The following ZNRF3 variants were observed in gnomAD, a reference collection of about 807,000 sequenced individuals.
ZNRF3 encodes zinc and ring finger 3.
Under a neutral mutation model 72.5 loss-of-function variants are expected in ZNRF3, and 23 were observed. That is an observed-to-expected ratio of 0.32 (90% CI 0.23 to 0.45). The LOEUF (loss-of-function observed/expected upper bound fraction) is 0.45, where lower values mean the gene tolerates loss of function less well. ZNRF3 is among the 20% of genes least tolerant of loss of function. The pLI is 1.00. For synonymous variants in ZNRF3, 610 were observed against 545.3 expected (o/e 1.12, Z -1.65); for missense variants, 1,169 against 1,272.1 (o/e 0.92, Z 1.23).
At chr22:28,939,354 A>G (rs2034899315) in intron 1 of ZNRF3, among the ~76,000 whole-genome samples, 1 of 152,146 alleles carries the variant, frequency 6.6e-6, no homozygotes, top group African/African-American at 2.4e-5. Flanking sequence ...AAATAAATAC[A>G]TATAAGAAGT....
intron 2 of ZNRF3, among the ~76,000 whole-genome samples, chr22:29,029,734 T>A (rs2036710330): frequency 6.6e-6 from 1 of 152,154 alleles, no homozygotes; most frequent in African/African-American, 2.4e-5. Flanking sequence ...CCCAGTTGCC[T>A]CCTCCGTGAG....
intron 1 of ZNRF3, among the ~76,000 whole-genome samples, chr22:28,980,186 G>GT (rs1365028512): frequency 6.6e-6 from 1 of 152,044 alleles, no homozygotes; most frequent in African/African-American, 2.4e-5. Flanking sequence ...GGGGCATAGA[G>GT]TGTGGAAGTA....
chr22:28,957,925 C>T (rs1049800483), intron 1 of ZNRF3, among the ~76,000 whole-genome samples: 1 of 151,834 alleles, frequency 6.6e-6, no homozygotes, highest in Non-Finnish European at 1.5e-5. Flanking sequence ...GTGGTTCAAG[C>T]CTGTAATCAA....
chr22:28,925,833 C>G (rs2034590201), intron 1 of ZNRF3, among the ~76,000 whole-genome samples: 1 of 152,096 alleles, frequency 6.6e-6, no homozygotes, highest in Non-Finnish European at 1.5e-5. Context: ...AAATCAAGCA[C>G]ATGGGGGCTG....
rs552553374 is a variant in ZNRF3 at position 28,962,985 on chromosome 22, C to T, written c.301-24091C>T. ...GGTTATTTTGTGACTTCACCATATA[C>T]ATGGCCTGAATGGATGGTAAGACTG... On this transcript the variant is annotated intron_variant, in intron 1 of 8. Coordinates refer to ENST00000544604, the MANE Select transcript of ZNRF3 (RefSeq NM_001206998.2). Among the ~76,000 whole-genome samples, 150 of 152,322 alleles carry T rather than the reference C, an allele frequency of 9.8e-4. 2 individuals carry two copies. In the South Asian group the frequency reaches 0.027, roughly 28 times the overall value.
intron 2 of ZNRF3, among the ~76,000 whole-genome samples, chr22:28,989,775 C>T (rs1013184366): frequency 3.9e-5 from 6 of 152,130 alleles, no homozygotes; most frequent in Non-Finnish European, 7.4e-5. Flanking sequence ...TAACCCCCTC[C>T]CCACCACCCA....
chr22:28,892,382 A>G (rs1488274581), intron 1 of ZNRF3, among the ~76,000 whole-genome samples: 3 of 152,292 alleles, frequency 2.0e-5, no homozygotes, highest in Non-Finnish European at 4.4e-5. Context: ...CACCTGGGGG[A>G]GGGAATCGGG....
rs186478156 is a variant in ZNRF3 at position 28,938,222 on chromosome 22, A to G, written c.301-48854A>G. 3.0e-3 allele frequency among the ~76,000 whole-genome samples: 456 copies of G among 152,100 alleles called. 3 individuals carry two copies. Among genetic ancestry groups the G allele is most frequent in the African/African-American group, 0.01 (426 of 41,482 alleles). ...ACACACCCATCCATCTTATTTTAAG[A>G]CATGCTTTTTTCATTTAAATATGTC... On this transcript the variant is annotated intron_variant, in intron 1 of 8. Transcript: ENST00000544604.
At chr22:28,957,574 G>A (rs2035282324) in intron 1 of ZNRF3, among the ~76,000 whole-genome samples, 2 of 151,960 alleles carry the variant, frequency 1.3e-5, no homozygotes, top group Admixed American at 6.5e-5. Context: ...CAAGTAGCTG[G>A]GACTACAGGC....
intron 2 of ZNRF3, among the ~76,000 whole-genome samples, chr22:29,039,635 G>A (rs2036922795): frequency 6.6e-6 from 1 of 151,942 alleles, no homozygotes; most frequent in Admixed American, 6.6e-5. Flanking sequence ...CTCTGGCAGA[G>A]GAGTCTGTGT....
chr22:28,990,388 TTAAG>T (rs1025615399), intron 2 of ZNRF3, among the ~76,000 whole-genome samples: 57 of 152,192 alleles, frequency 3.7e-4, no homozygotes, highest in African/African-American at 1.1e-3. Flanking sequence ...GAGTTTGCTA[TTAAG>T]TAAGGGTCTT....
At chr22:28,961,829 G>C (rs920924109) in intron 1 of ZNRF3, among the ~76,000 whole-genome samples, 1 of 152,150 alleles carries the variant, frequency 6.6e-6, no homozygotes, top group Non-Finnish European at 1.5e-5. Flanking sequence ...ACTGGTATCT[G>C]ACCCCAAAAG....
chr22:28,888,569 T>C (rs2033831036), intron 1 of ZNRF3, among the ~76,000 whole-genome samples: 1 of 152,224 alleles, frequency 6.6e-6, no homozygotes, highest in Non-Finnish European at 1.5e-5. Context: ...TCATGGGAGT[T>C]ACTAGTACAA....
intron 1 of ZNRF3, chr22:28,986,567 C>T (rs2035857656): frequency 1.0e-6 from 1 of 974,822 alleles, no homozygotes; most frequent in Non-Finnish European, 1.2e-6. Context: ...AGCCTTTAAA[C>T]AGCCTGTTAA....
At chr22:28,887,720 C>A (rs190121539) in intron 1 of ZNRF3, among the ~76,000 whole-genome samples, 1 of 152,266 alleles carries the variant, frequency 6.6e-6, no homozygotes, top group African/African-American at 2.4e-5. Flanking sequence ...TACACTTCTC[C>A]TGTAGTTCTG....
chr22:28,935,420 T>A (rs2034802246), intron 1 of ZNRF3, among the ~76,000 whole-genome samples: 1 of 152,206 alleles, frequency 6.6e-6, no homozygotes, highest in Non-Finnish European at 1.5e-5. Context: ...TCTCTGCCCT[T>A]AGCCCTGTTG....
intron 1 of ZNRF3, among the ~76,000 whole-genome samples, chr22:28,932,821 G>A (rs957885913): frequency 6.6e-6 from 1 of 152,124 alleles, no homozygotes; most frequent in Non-Finnish European, 1.5e-5. Context: ...TCAGCTAAAA[G>A]GCTGAGAAGA....
rs1411300827 is a variant in ZNRF3, at chr22:29,051,455, T to C, written c.2767+507T>C. Among the ~76,000 whole-genome samples the C allele has an allele frequency of 2.6e-5, 4 of 152,166 alleles. No homozygotes were observed. The East Asian group carries it at 5.8e-4, about 22-fold the overall frequency. On this transcript the variant is annotated intron_variant, in intron 8 of 8. Transcript: ENST00000544604. ...ACATTCTCGTTACTCAGTACAAAAG[T>C]TAGCCAGGGGTGGTGGCGGGTGCCT...
rs141242114 is a variant in ZNRF3 at position 28,978,945 on chromosome 22, G to A, written c.301-8131G>A. 9.2e-5 allele frequency among the ~76,000 whole-genome samples: 14 copies of A among 152,212 alleles called. No homozygotes were observed. The East Asian group carries it at 2.5e-3, about 27-fold the overall frequency. ...ACCCTGATTATGGGTTCCAATCCTG[G>A]TGTAAGTTTTTGTTTTTTTTCTGGA... On this transcript the variant is annotated intron_variant, in intron 1 of 8. Coordinates refer to ENST00000544604, the MANE Select transcript of ZNRF3 (RefSeq NM_001206998.2).
Sources: allele counts gnomAD v4.1 joint callset (sites outside exome capture counted in the v4.1 genomes callset), GRCh38; gene constraint gnomAD v4.1.1; transcripts MANE v1.5; gene names NCBI Gene and HGNC (gene_info 2026-07-23, HGNC 2026-07-21).